Variants in TANGO2 observed in about 807,000 individuals in gnomAD.
The protein encoded by TANGO2 is transport and golgi organization 2 homolog.
TANGO2 carries 26 observed loss-of-function variants against 39.1 expected under a neutral mutation model. That is an observed-to-expected ratio of 0.67 (90% CI 0.49 to 0.92). The LOEUF (loss-of-function observed/expected upper bound fraction) is 0.92. TANGO2 is among the 40% of genes least tolerant of loss of function. The pLI is 0.00. For synonymous variants in TANGO2, 131 were observed against 144.5 expected (o/e 0.91, Z 0.67); for missense variants, 326 against 360.1 (o/e 0.91, Z 0.77).
At chr22:20,051,958 G>A (rs1340778324) in intron 3 of TANGO2, among the ~76,000 whole-genome samples, 1 of 152,240 alleles carries the variant, frequency 6.6e-6, no homozygotes, top group Admixed American at 6.5e-5. Context: ...GAGCCCTCCT[G>A]TGGCTTTCAG....
chr22:20,022,854 G>A (rs528100896), intron 1 of TANGO2, among the ~76,000 whole-genome samples: 2 of 152,346 alleles, frequency 1.3e-5, no homozygotes, highest in South Asian at 4.1e-4. Flanking sequence ...TCGAAGTAGG[G>A]CCATGCTTGT....
At chr22:20,028,140 C>T (rs2041151897) in intron 1 of TANGO2, among the ~76,000 whole-genome samples, 1 of 152,118 alleles carries the variant, frequency 6.6e-6, no homozygotes, top group Non-Finnish European at 1.5e-5. Context: ...GACAGAGTCT[C>T]CCTCTGTTGC....
upstream of TANGO2, among the ~76,000 whole-genome samples, chr22:20,020,307 C>T (rs2039472731): frequency 6.6e-6 from 1 of 152,154 alleles, no homozygotes; most frequent in Non-Finnish European, 1.5e-5. Flanking sequence ...AGGGCCTGAG[C>T]CTCTGGGCTT....
intron 5 of TANGO2, chr22:20,053,992 CT>C: frequency 5.9e-6 from 2 of 338,056 alleles, no homozygotes. Flanking sequence ...GTGAGCATTC[CT>C]CCCTCCTGCC....
At chr22:20,041,830 G>A (rs1245609515) in intron 2 of TANGO2, among the ~76,000 whole-genome samples, 1 of 152,182 alleles carries the variant, frequency 6.6e-6, no homozygotes, top group Non-Finnish European at 1.5e-5. Context: ...TGAAATTGAT[G>A]TGCAATGATC....
Position 20,021,142 on chromosome 22 carries a change from C to G in TANGO2, c.-144C>G, listed in dbSNP as rs1293396128. The G allele has an allele frequency of 6.5e-6, 1 of 153,714 alleles. No homozygotes were observed. The highest frequency in any genetic ancestry group is 1.4e-5 in the Non-Finnish European group (1 of 69,210). The allele number at this position is 153,714 out of a possible 1,614,324, so 9.5% of individuals were successfully genotyped here. ...GCGGCGGTGGCGGAGGCGGTGAGTG[C>G]GCGGCTCCGGGGCTGGCCGACTCCG... is the stretch of plus-strand genomic sequence containing the variant. On this transcript the variant is annotated 5_prime_UTR_variant, in exon 1 of 9. Coordinates refer to ENST00000327374, the MANE Select transcript of TANGO2 (RefSeq NM_152906.7).
intron 1 of TANGO2, among the ~76,000 whole-genome samples, chr22:20,032,891 C>T (rs1399570653): frequency 6.6e-6 from 1 of 152,244 alleles, no homozygotes; most frequent in Non-Finnish European, 1.5e-5. Flanking sequence ...AGGACAAGGA[C>T]TATATCCATG....
intron 3 of TANGO2, among the ~76,000 whole-genome samples, chr22:20,048,940 C>T (rs549311016): frequency 9.9e-5 from 15 of 152,262 alleles, no homozygotes; most frequent in East Asian, 7.7e-4. Context: ...CCACTGCGCC[C>T]GGCCAGAATA....
At chr22:20,038,992 G>C (rs1288515661) in intron 2 of TANGO2, among the ~76,000 whole-genome samples, 1 of 151,580 alleles carries the variant, frequency 6.6e-6, no homozygotes, top group Non-Finnish European at 1.5e-5. Flanking sequence ...CCAGGCTGGA[G>C]TACAGTGGTA....
At chr22:20,019,770 T>G (rs1289799177), upstream of TANGO2, among the ~76,000 whole-genome samples, 1 of 152,194 alleles carries the variant, frequency 6.6e-6, no homozygotes, top group African/African-American at 2.4e-5. Flanking sequence ...GCCCTATAGA[T>G]TGCATAGGTT....
At position 20,053,500 on chromosome 22, in the gene TANGO2, C is replaced by T. The variant is rs147595949; in HGVS notation, c.329C>T (p.Ser110Phe). 3.1e-6 allele frequency: 5 copies of T among 1,614,050 alleles called. No individual in the cohort carries two copies. The highest frequency in any genetic ancestry group is 4.2e-6 in the Non-Finnish European group (5 of 1,179,904). Residue 110 changes from serine (S) to phenylalanine (F), a missense_variant, in exon 5 of 9, where the codon TCT (serine) becomes TTT (phenylalanine). Coordinates refer to ENST00000327374, the MANE Select transcript of TANGO2 (RefSeq NM_152906.7). The part of the protein sequence containing the change: ...VDSLSYLKKV[S>F]MEGHLYNGFN... ...AGCTTGTCCTACCTGAAGAAGGTCT[C>T]TATGGAGGGCCATCTGTACAATGGC... is the stretch of plus-strand genomic sequence containing the variant.
At chr22:20,047,346 G>A (rs1480389333) in intron 3 of TANGO2, among the ~76,000 whole-genome samples, 1 of 150,408 alleles carries the variant, frequency 6.6e-6, no homozygotes, top group East Asian at 2.0e-4. Flanking sequence ...CAATTCTCCT[G>A]CCTCAGCCTC....
chr22:20,022,956 G>T (rs182167489), intron 1 of TANGO2, among the ~76,000 whole-genome samples: 9 of 152,344 alleles, frequency 5.9e-5, no homozygotes, highest in East Asian at 3.9e-4. Context: ...CCTGGCCTTT[G>T]TTGGCCCCTA....
At chr22:20,064,324 A>T (rs1438116012) in intron 8 of TANGO2, among the ~76,000 whole-genome samples, 1 of 152,196 alleles carries the variant, frequency 6.6e-6, no homozygotes, top group Non-Finnish European at 1.5e-5. Context: ...GGCAGGACTC[A>T]GCAAGTGTGG....
intron 2 of TANGO2, among the ~76,000 whole-genome samples, chr22:20,039,738 G>A (rs2043548856): frequency 6.6e-6 from 1 of 152,048 alleles, no homozygotes. Context: ...CCATGGGACA[G>A]CTTCCATGGG....
chr22:20,021,043 G>T (rs2039554610), upstream of TANGO2: 1 of 151,780 alleles, frequency 6.6e-6, no homozygotes, highest in African/African-American at 2.4e-5. Context: ...CGGCCCAATG[G>T]TGAACGCGCC....
chr22:20,063,684 G>T, intron 8 of TANGO2: 1 of 441,818 alleles, frequency 2.3e-6, no homozygotes, highest in South Asian at 4.7e-5. Flanking sequence ...GATGGCTTCA[G>T]GGCTGCCTGC....
chr22:20,057,500 G>A lies in TANGO2; in HGVS notation c.451+1487G>A, dbSNP rs761480536. Reference sequence around the variant, plus strand: ...GCTTATCCTTCCGGCCACCCTCTGTGACCCTGGTCTTCCCCTCCCTACCTT... The same window carrying A: ...GCTTATCCTTCCGGCCACCCTCTGTAACCCTGGTCTTCCCCTCCCTACCTT... On this transcript the variant is annotated intron_variant, in intron 6 of 8. Transcript: ENST00000327374. This position sits in a 1 kb window ranked among gnomAD's most constrained non-coding sequence, Gnocchi z 4.1. 6.6e-6 allele frequency among the ~76,000 whole-genome samples: 1 copy of A among 152,216 alleles called. No homozygotes were observed. Among genetic ancestry groups the A allele is most frequent in the Non-Finnish European group, 1.5e-5 (1 of 68,050 alleles).
At chr22:20,045,378 G>A (rs1440692627) in intron 3 of TANGO2, among the ~76,000 whole-genome samples, 3 of 151,934 alleles carry the variant, frequency 2.0e-5, no homozygotes. Flanking sequence ...GGTAGAAGCT[G>A]CAGTGAACCG....
Sources: gnomAD v4.1 joint callset for allele counts (sites outside exome capture counted in the v4.1 genomes callset) on GRCh38, gnomAD v4.1.1 for gene constraint, Gnocchi (gnomAD v3.1) non-coding constraint, MANE v1.5 for transcripts, NCBI Gene and HGNC (gene_info 2026-07-23, HGNC 2026-07-21) for gene names.